ROBO2: variants seen among roughly 807,000 people sequenced by gnomAD.
ROBO2 encodes roundabout homolog 2.
A neutral mutation model predicts 160.8 loss-of-function variants in ROBO2; 53 were observed. The ratio of observed to expected loss-of-function variants is 0.33; its 90% CI spans 0.26 to 0.41. The LOEUF (loss-of-function observed/expected upper bound fraction) is 0.41, where lower values mean the gene tolerates loss of function less well. ROBO2 is among the 10% of genes least tolerant of loss of function. The pLI is 1.00. For synonymous variants in ROBO2, 664 were observed against 611.7 expected (o/e 1.09, Z -1.26); for missense variants, 1,577 against 1,722.4 (o/e 0.92, Z 1.49).
At chr3:76,116,762 G>A (rs1450998122) in intron 2 of ROBO2, among the ~76,000 whole-genome samples, 2 of 152,138 alleles carry the variant, frequency 1.3e-5, no homozygotes, top group African/African-American at 4.8e-5. Flanking sequence ...TTATACTGTT[G>A]TCAGCCAGAA....
At chr3:77,088,425 T>C (rs551083365) in intron 1 of ROBO2, among the ~76,000 whole-genome samples, 1 of 152,268 alleles carries the variant, frequency 6.6e-6, no homozygotes, top group South Asian at 2.1e-4. Context: ...CTGGGATACA[T>C]ATGCAGGATG....
intron 2 of ROBO2, among the ~76,000 whole-genome samples, chr3:76,716,871 G>A (rs1168780838): frequency 6.6e-6 from 1 of 152,252 alleles, no homozygotes; most frequent in African/African-American, 2.4e-5. Context: ...TCCTTTTGAA[G>A]AACTAACATC....
At chr3:77,308,255 T>C (rs961673099) in intron 2 of ROBO2, among the ~76,000 whole-genome samples, 1 of 152,200 alleles carries the variant, frequency 6.6e-6, no homozygotes, top group Non-Finnish European at 1.5e-5. Flanking sequence ...TATTTAGTCA[T>C]GTTCTATGTA....
intron 2 of ROBO2, among the ~76,000 whole-genome samples, chr3:76,535,501 G>A (rs1263095714): frequency 1.3e-5 from 2 of 152,042 alleles, no homozygotes; most frequent in Non-Finnish European, 2.9e-5. Flanking sequence ...GCAGATTGAG[G>A]TGAGGAGATA....
chr3:76,769,120 C>A (rs1395206351), intron 2 of ROBO2, among the ~76,000 whole-genome samples: 1 of 151,428 alleles, frequency 6.6e-6, no homozygotes, highest in Non-Finnish European at 1.5e-5. Context: ...CTAGCAACCA[C>A]ACAAGTTTCC....
At chr3:77,507,689 G>A (rs1472843859) in intron 5 of ROBO2, among the ~76,000 whole-genome samples, 1 of 152,104 alleles carries the variant, frequency 6.6e-6, no homozygotes, top group African/African-American at 2.4e-5. Context: ...AGTTTTGAAA[G>A]TATTTAATCC....
At chr3:76,909,966 A>G (rs1360245492) in intron 2 of ROBO2, among the ~76,000 whole-genome samples, 3 of 152,152 alleles carry the variant, frequency 2.0e-5, no homozygotes, top group Non-Finnish European at 4.4e-5. Flanking sequence ...AATTTAAACA[A>G]TTTTCTTAAC....
intron 2 of ROBO2, among the ~76,000 whole-genome samples, chr3:76,281,894 T>G (rs1708252446): frequency 6.6e-6 from 1 of 151,922 alleles, no homozygotes; most frequent in Admixed American, 6.6e-5. Context: ...AAAGATAAAG[T>G]GTTCTCTGGT....
At chr3:77,428,379 C>T (rs1184121377) in intron 2 of ROBO2, among the ~76,000 whole-genome samples, 9 of 120,560 alleles carry the variant, frequency 7.5e-5, no homozygotes, top group South Asian at 2.6e-4. Context: ...GACGGAGTCT[C>T]GCTCTGTCAC....
chr3:77,202,552 T>TAA (rs1262245420), intron 2 of ROBO2, among the ~76,000 whole-genome samples: 1 of 152,212 alleles, frequency 6.6e-6, no homozygotes, highest in Non-Finnish European at 1.5e-5. Flanking sequence ...TCATTTGCTT[T>TAA]AAAAATTATT....
At chr3:76,533,582 C>T (rs1258049760) in intron 2 of ROBO2, among the ~76,000 whole-genome samples, 2 of 152,262 alleles carry the variant, frequency 1.3e-5, no homozygotes, top group Middle Eastern at 3.4e-3. Context: ...GCTTGTCACA[C>T]GAGTCCGTAT....
chr3:77,040,111 G>T (rs1353738593), exon 1 of ROBO2: 2 of 984,932 alleles, frequency 2.0e-6, no homozygotes, highest in Admixed American at 1.2e-4. Flanking sequence ...TAGGAGTTCG[G>T]ATTCTCCACC....
intron 16 of ROBO2, among the ~76,000 whole-genome samples, chr3:77,587,020 T>C (rs1412775399): frequency 2.0e-5 from 3 of 151,952 alleles, no homozygotes; most frequent in African/African-American, 4.8e-5. Context: ...GCAGCTATAA[T>C]AAAAAAGCCT....
At chr3:77,493,138 C>T (rs756533599) in intron 4 of ROBO2, 106 bp from the exon 5 acceptor site, 1 of 1,136,718 alleles carries the variant, frequency 8.8e-7, no homozygotes, top group Non-Finnish European at 1.3e-6. Flanking sequence ...AGTTAGGTAC[C>T]TGTGTACCAA....
intron 2 of ROBO2, among the ~76,000 whole-genome samples, chr3:76,930,486 A>G (rs2077268096): frequency 6.6e-6 from 1 of 152,118 alleles, no homozygotes; most frequent in Non-Finnish European, 1.5e-5. Flanking sequence ...TCACTGTCTA[A>G]TCCTATTCAG....
intron 6 of ROBO2, among the ~76,000 whole-genome samples, chr3:77,530,677 C>T (rs181225796): frequency 6.6e-6 from 1 of 152,126 alleles, no homozygotes; most frequent in Non-Finnish European, 1.5e-5. Flanking sequence ...TTCATATTTG[C>T]TGGTTGCCAC....
chr3:76,632,711 C>T (rs2090099250), intron 2 of ROBO2, among the ~76,000 whole-genome samples: 1 of 152,112 alleles, frequency 6.6e-6, no homozygotes, highest in African/African-American at 2.4e-5. Flanking sequence ...GGGTAGATTT[C>T]TCATTTAACG....
intron 2 of ROBO2, among the ~76,000 whole-genome samples, chr3:76,709,646 A>G (rs1313433234): frequency 2.6e-5 from 4 of 152,300 alleles, no homozygotes; most frequent in Non-Finnish European, 1.5e-5. Context: ...GGGGCTGGAC[A>G]GGAGATTTGA....
At chr3:76,273,025 T>C (rs2107640106) in intron 2 of ROBO2, among the ~76,000 whole-genome samples, 1 of 99,038 alleles carries the variant, frequency 1.0e-5, no homozygotes, top group South Asian at 2.5e-4. Context: ...TTATATATAA[T>C]ATATATTTAT....
Sources: allele counts gnomAD v4.1 joint callset (sites outside exome capture counted in the v4.1 genomes callset), GRCh38; gene constraint gnomAD v4.1.1; transcripts MANE v1.5; gene names NCBI Gene and HGNC (gene_info 2026-07-23, HGNC 2026-07-21).